Variants in WFDC3 observed in about 807,000 individuals in gnomAD.
WFDC3 encodes WAP four-disulfide core domain protein 3.
A neutral mutation model predicts 25.8 loss-of-function variants in WFDC3; 15 were observed. The observed-to-expected ratio is 0.58, with a 90% confidence interval of 0.39 to 0.89. The LOEUF (loss-of-function observed/expected upper bound fraction) is 0.89. WFDC3 is among the 40% of genes least tolerant of loss of function. The pLI is 0.00. For missense variants in WFDC3, 264 were observed against 289.8 expected (o/e 0.91, Z 0.65); for synonymous variants, 103 against 107.1 (o/e 0.96, Z 0.24).
At chr20:45,781,791 A>C (rs1190233023) in intron 4 of WFDC3, among the ~76,000 whole-genome samples, 3 of 152,172 alleles carry the variant, frequency 2.0e-5, no homozygotes, top group Non-Finnish European at 2.9e-5. Flanking sequence ...ATGTTTACAC[A>C]AACAGTTTAG....
At chr20:45,785,285 C>G (rs1394023589) in intron 4 of WFDC3, among the ~76,000 whole-genome samples, 1 of 151,968 alleles carries the variant, frequency 6.6e-6, no homozygotes, top group Non-Finnish European at 1.5e-5. Context: ...GCCTGACCAA[C>G]ATGGCAAAAC....
intron 4 of WFDC3, among the ~76,000 whole-genome samples, chr20:45,779,551 C>T (rs1785220844): frequency 6.6e-6 from 1 of 152,008 alleles, no homozygotes. Flanking sequence ...TCACTGTAAC[C>T]ACCAAATGCA....
chr20:45,775,472 C>T lies in WFDC3; in HGVS notation c.624G>A (p.Leu208=), dbSNP rs768642195. ...GCGRFCVPPV[L]PPKLTMNPNW... ...TGGGGTTCATGGTCAGTTTTGGGGG[C>T]AGGACTGGTGGGACACAGAAGCGGC... The change falls in exon 6 of 7, where the codon CTG becomes CTA. Residue 208 remains leucine (L), a synonymous_variant. Coordinates refer to ENST00000243938, the MANE Select transcript of WFDC3 (RefSeq NM_080614.2). 4 of 1,614,218 alleles carry T rather than the reference C, an allele frequency of 2.5e-6. No individual in the cohort carries two copies. The South Asian group carries it at 3.3e-5, about 13-fold the overall frequency.
At chr20:45,776,532 A>G (rs2145681046) in intron 5 of WFDC3, among the ~76,000 whole-genome samples, 1 of 146,060 alleles carries the variant, frequency 6.8e-6, no homozygotes, top group South Asian at 2.2e-4. Context: ...CCAGAGGCAG[A>G]GGTTTCAGTG....
chr20:45,776,276 C>CTGTG (rs1182115340), intron 5 of WFDC3, among the ~76,000 whole-genome samples: 4 of 68,382 alleles, frequency 5.8e-5, no homozygotes, highest in Admixed American at 1.7e-4. Context: ...ATGCTTTTAT[C>CTGTG]TCTGTGTGTG....
Position 45,790,774 on chromosome 20 carries a change from C to CAGT in WFDC3, c.-7-795_-7-793dup, listed in dbSNP as rs1388376006. Among the ~76,000 whole-genome samples the CAGT allele has an allele frequency of 2.6e-5, 4 of 151,598 alleles. No individual in the cohort carries two copies. The East Asian group carries it at 7.7e-4, about 29-fold the overall frequency. On this transcript the variant is annotated intron_variant, in intron 1 of 6. Transcript: ENST00000243938. ...AAACTATCAAAAACCTACAGAAAAG[C>CAGT]AGTAGTTGAGTTTGTTAAGAACTAA...
chr20:45,785,919 C>G (rs1568700631), intron 4 of WFDC3, among the ~76,000 whole-genome samples: 1 of 152,326 alleles, frequency 6.6e-6, no homozygotes, highest in East Asian at 1.9e-4. Flanking sequence ...CATTTCTACT[C>G]TAACCGTACT....
At chr20:45,787,683 A>G (rs1222016918) in intron 4 of WFDC3, among the ~76,000 whole-genome samples, 153 bp downstream of exon 4, 2 of 150,698 alleles carry the variant, frequency 1.3e-5, no homozygotes, top group African/African-American at 4.9e-5. Flanking sequence ...ACATACCACA[A>G]ATGATTATGG....
chr20:45,788,305 A>T (rs6130932), intron 3 of WFDC3: 1 of 160,638 alleles, frequency 6.2e-6, no homozygotes, highest in African/African-American at 2.4e-5. Flanking sequence ...ACTCCGTCTC[A>T]AAAAAAAAAG....
chr20:45,781,218 C>T (rs1980430205), intron 4 of WFDC3, among the ~76,000 whole-genome samples: 1 of 152,080 alleles, frequency 6.6e-6, no homozygotes, highest in East Asian at 1.9e-4. Flanking sequence ...CACTGCACTC[C>T]ATCCTGGGTG....
At chr20:45,776,638 ATAT>A (rs1568697470) in intron 5 of WFDC3, among the ~76,000 whole-genome samples, 46 of 69,532 alleles carry the variant, frequency 6.6e-4, no homozygotes, top group African/African-American at 2.0e-3. Flanking sequence ...AAAAAAAAAT[ATAT>A]ATATATATAT....
At chr20:45,780,269 G>A (rs1017611293) in intron 4 of WFDC3, among the ~76,000 whole-genome samples, 1 of 151,704 alleles carries the variant, frequency 6.6e-6, no homozygotes, top group Admixed American at 6.6e-5. Flanking sequence ...TAGAGACAGG[G>A]TCTCACTATG....
At position 45,774,309 on chromosome 20, in the gene WFDC3, A is replaced by G. The variant is rs1980035614; in HGVS notation, c.*119T>C. The G allele has an allele frequency of 8.0e-6, 11 of 1,372,424 alleles. No homozygotes were observed. Among genetic ancestry groups the G allele is most frequent in the African/African-American group, 1.4e-5 (1 of 69,842 alleles). 85.0% of individuals were successfully genotyped at this position (1,372,424 alleles called of 1,614,324 possible). ...TCTGGTCAGCGGCAGGAGGAGAAGC[A>G]GAGCAGAGAGGGCCATGAGTGCCCC... is the stretch of plus-strand genomic sequence containing the variant. On this transcript the variant is annotated 3_prime_UTR_variant, in exon 7 of 7. Transcript: ENST00000243938.
intron 4 of WFDC3, among the ~76,000 whole-genome samples, chr20:45,786,572 C>CATGAAAGCGGGCATGG (rs1980676271): frequency 2.6e-5 from 4 of 152,102 alleles, no homozygotes. Flanking sequence ...TGGGATCTAC[C>CATGAAAGCGGGCATGG]GTATTTTCCA....
Position 45,787,913 on chromosome 20 carries a change from G to A in WFDC3, c.281C>T (p.Thr94Ile). 1 of 1,614,112 alleles carries A rather than the reference G, an allele frequency of 6.2e-7. No homozygotes were observed. Among genetic ancestry groups the A allele is most frequent in the South Asian group, 1.1e-5 (1 of 91,064 alleles). Residue 94 changes from threonine (T) to isoleucine (I), a missense_variant, in exon 4 of 7, where the codon ACA (threonine) becomes ATA (isoleucine). Thr to Ile is a moderately conservative substitution (Grantham distance 89). Transcript: ENST00000243938. ...GCAGCATTTCTTTACACCTGGACATGTCTCATCAGTGATGCACCTTTTCAA... is the reference window on the plus strand; with the variant it reads ...GCAGCATTTCTTTACACCTGGACATATCTCATCAGTGATGCACCTTTTCAA... ...SCLKRCITDE[T>I]CPGVKKCCTL...
intron 4 of WFDC3, among the ~76,000 whole-genome samples, chr20:45,781,786 T>A (rs556244456): frequency 6.6e-6 from 1 of 152,260 alleles, no homozygotes; most frequent in Non-Finnish European, 1.5e-5. Context: ...CCACAATGTT[T>A]ACACAAACAG....
At position 45,776,318 on chromosome 20, in the gene WFDC3, G is replaced by GTGTGTGTGTGTGTGTGTGTGTA. The variant is rs58644271; in HGVS notation, c.494-717_494-716insTACACACACACACACACACACA. On this transcript the variant is annotated intron_variant, in intron 5 of 6. Transcript: ENST00000243938. ...TGTGTGTGTGTGTGTGTGTGTGTGT[G>GTGTGTGTGTGTGTGTGTGTGTA]TGTTTCCAGCTGGGCGTGGTGGCTC... Among the ~76,000 whole-genome samples, 855 of 139,860 alleles carry GTGTGTGTGTGTGTGTGTGTGTA rather than the reference G, an allele frequency of 6.1e-3. 14 individuals carry two copies. Among genetic ancestry groups the GTGTGTGTGTGTGTGTGTGTGTA allele is most frequent in the Middle Eastern group, 0.012 (3 of 254 alleles). 91.8% of individuals were successfully genotyped at this position (139,860 alleles called of 152,430 possible).
chr20:45,784,502 G>C (rs1980584654), intron 4 of WFDC3, among the ~76,000 whole-genome samples: 1 of 152,236 alleles, frequency 6.6e-6, no homozygotes, highest in Non-Finnish European at 1.5e-5. Flanking sequence ...AGCACTTTGG[G>C]AGGCCAAGGC....
At chr20:45,787,513 G>A (rs904319859) in intron 4 of WFDC3, among the ~76,000 whole-genome samples, 2 of 151,626 alleles carry the variant, frequency 1.3e-5, no homozygotes, top group Admixed American at 6.6e-5. Context: ...GGATGGTCTC[G>A]ATCTCCTGAC....
Sources: gnomAD v4.1 joint callset for allele counts (sites outside exome capture counted in the v4.1 genomes callset) on GRCh38, gnomAD v4.1.1 for gene constraint, MANE v1.5 for transcripts, NCBI Gene and HGNC (gene_info 2026-07-23, HGNC 2026-07-21) for gene names.